CRIM1: variants seen among roughly 807,000 people sequenced by gnomAD.
CRIM1 encodes cysteine-rich motor neuron 1 protein.
Under a neutral mutation model 116.4 loss-of-function variants are expected in CRIM1, and 32 were observed. That is an observed-to-expected ratio of 0.27 (90% CI 0.21 to 0.37). The LOEUF is 0.37. CRIM1 is among the 10% of genes least tolerant of loss of function. The probability of loss-of-function intolerance (pLI) is 1.00; values close to 1 mark genes in which losing one functional copy is unlikely to be tolerated. For synonymous variants in CRIM1, 590 were observed against 509.2 expected (o/e 1.16, Z -2.13); for missense variants, 1,331 against 1,354.8 (o/e 0.98, Z 0.28).
intron 5 of CRIM1, among the ~76,000 whole-genome samples, chr2:36,471,810 C>A (rs927611280): frequency 6.6e-6 from 1 of 152,012 alleles, no homozygotes. Flanking sequence ...TCCTAGGCCT[C>A]ATGTGGCCCG....
intron 7 of CRIM1, among the ~76,000 whole-genome samples, chr2:36,485,847 G>A (rs1258807003): frequency 2.6e-5 from 4 of 152,160 alleles, no homozygotes; most frequent in Non-Finnish European, 5.9e-5. Context: ...ATTCGTAATA[G>A]CCTAAAGACT....
rs1209333328 is a variant in CRIM1 at position 36,550,965 on chromosome 2, T to C, written c.*2264T>C. The C allele has an allele frequency of 6.6e-6, 1 of 152,662 alleles. No individual in the cohort carries two copies. Among genetic ancestry groups the C allele is most frequent in the Non-Finnish European group, 1.5e-5 (1 of 68,036 alleles). 9.5% of individuals were successfully genotyped at this position (152,662 alleles called of 1,614,324 possible). A position where few individuals can be genotyped will look rare whatever the true frequency, so the allele number is the denominator to read the frequency against. ...TCTATTACTCTTTTACTTTGGTTCC[T>C]GTTGTGCTCTTGTAAAAGAAAAATA... On this transcript the variant is annotated 3_prime_UTR_variant, in exon 17 of 17. Transcript: ENST00000280527.
chr2:36,482,254 G>A (rs939030243), intron 7 of CRIM1, among the ~76,000 whole-genome samples: 3 of 152,080 alleles, frequency 2.0e-5, no homozygotes, highest in Admixed American at 1.3e-4. Context: ...TTTTAACTTA[G>A]TTGAGTAGTG....
At chr2:36,481,625 C>G (rs905068532) in intron 7 of CRIM1, among the ~76,000 whole-genome samples, 1 of 152,196 alleles carries the variant, frequency 6.6e-6, no homozygotes, top group Non-Finnish European at 1.5e-5. Context: ...CATTTGTACC[C>G]AATTTCATTT....
At chr2:36,476,380 GCCAAACA>G (rs1156553057) in intron 5 of CRIM1, among the ~76,000 whole-genome samples, 1 of 152,052 alleles carries the variant, frequency 6.6e-6, no homozygotes, top group Admixed American at 6.5e-5. Context: ...TTTGTTAAAG[GCCAAACA>G]CTATTAAAAT....
intron 13 of CRIM1, among the ~76,000 whole-genome samples, chr2:36,533,853 T>C (rs1022417926): frequency 2.0e-5 from 3 of 151,974 alleles, no homozygotes; most frequent in Non-Finnish European, 4.4e-5. Flanking sequence ...CATAGCCAGG[T>C]GCTTTAGGTC....
chr2:36,482,149 C>A (rs964067609), intron 7 of CRIM1, among the ~76,000 whole-genome samples: 2 of 152,132 alleles, frequency 1.3e-5, no homozygotes, highest in Non-Finnish European at 2.9e-5. Flanking sequence ...CTCTCTGTCT[C>A]TTTCATGCTC....
intron 8 of CRIM1, among the ~76,000 whole-genome samples, chr2:36,508,899 C>G (rs933117533): frequency 1.1e-4 from 16 of 151,328 alleles, no homozygotes; most frequent in African/African-American, 3.7e-4. Flanking sequence ...AAACATCACT[C>G]CAGATTCTGC....
chr2:36,509,859 C>A, intron 8 of CRIM1, 124 bp from the exon 9 acceptor site: 1 of 784,850 alleles, frequency 1.3e-6, no homozygotes, highest in East Asian at 2.5e-5. Flanking sequence ...ATAACCAGTG[C>A]CATGGTAGAG....
chr2:36,442,257 T>C (rs181220326), intron 3 of CRIM1, among the ~76,000 whole-genome samples: 1 of 152,122 alleles, frequency 6.6e-6, no homozygotes, highest in African/African-American at 2.4e-5. Context: ...CTTTTTTTTT[T>C]TTAACTGCTA....
intron 8 of CRIM1, among the ~76,000 whole-genome samples, chr2:36,507,485 C>T (rs1040147619): frequency 2.0e-5 from 3 of 151,878 alleles, no homozygotes; most frequent in Admixed American, 2.0e-4. Flanking sequence ...CATGGTTGTC[C>T]CTATACAGTG....
chr2:36,356,638 T>G lies in CRIM1; in HGVS notation c.331+15T>G. On this transcript the variant is annotated intron_variant, in intron 1 of 16. Transcript: ENST00000280527. The surrounding 1 kb of genome is among the most constrained non-coding windows in gnomAD (Gnocchi z 4.3). Reference sequence around the variant, plus strand: ...CGTTTGCGAAGGTACGGCCGCCCGCTGCGGGCCCCCTCCCACCTGGCCTGC... The same window carrying G: ...CGTTTGCGAAGGTACGGCCGCCCGCGGCGGGCCCCCTCCCACCTGGCCTGC... 1 of 1,598,224 alleles carries G rather than the reference T, an allele frequency of 6.3e-7. No homozygotes were observed. Among genetic ancestry groups the G allele is most frequent in the South Asian group, 1.1e-5 (1 of 89,520 alleles).
chr2:36,420,654 G>A (rs949611925), intron 2 of CRIM1, among the ~76,000 whole-genome samples: 1 of 152,198 alleles, frequency 6.6e-6, no homozygotes, highest in Admixed American at 6.5e-5. Flanking sequence ...CTTCATCCCT[G>A]TGGAGCTGAG....
At chr2:36,546,915 A>G in intron 15 of CRIM1, 69 bp from the exon 16 acceptor site, 2 of 894,310 alleles carry the variant, frequency 2.2e-6, no homozygotes, top group Non-Finnish European at 3.5e-6. Context: ...CTCTATTTGC[A>G]ATGTCATTAA....
At chr2:36,534,210 G>C (rs1476786731) in intron 13 of CRIM1, among the ~76,000 whole-genome samples, 1 of 131,712 alleles carries the variant, frequency 7.6e-6, no homozygotes, top group African/African-American at 2.9e-5. Context: ...GAAAAGGATG[G>C]GAAAGATAAG....
intron 2 of CRIM1, among the ~76,000 whole-genome samples, chr2:36,438,011 A>G (rs1461400892): frequency 6.6e-6 from 1 of 152,072 alleles, no homozygotes; most frequent in East Asian, 1.9e-4. Context: ...ACGCACCCGT[A>G]GTCCCAGCTA....
intron 1 of CRIM1, among the ~76,000 whole-genome samples, chr2:36,377,626 G>C (rs1214765041): frequency 6.6e-6 from 1 of 152,142 alleles, no homozygotes; most frequent in East Asian, 1.9e-4. Flanking sequence ...TAAAGCACTT[G>C]AATAGTGGCT....
intron 4 of CRIM1, among the ~76,000 whole-genome samples, chr2:36,458,692 G>A (rs548340669): frequency 5.1e-4 from 78 of 152,320 alleles, no homozygotes; most frequent in African/African-American, 1.8e-3. Flanking sequence ...GGGACACAAG[G>A]TGACTGATGT....
chr2:36,373,474 C>G (rs1300990447), intron 1 of CRIM1, among the ~76,000 whole-genome samples: 1 of 152,200 alleles, frequency 6.6e-6, no homozygotes, highest in African/African-American at 2.4e-5. Flanking sequence ...TTGGGGAAAT[C>G]AGTTGCTTGA....
Sources: gnomAD v4.1 joint callset for allele counts (sites outside exome capture counted in the v4.1 genomes callset) on GRCh38, gnomAD v4.1.1 for gene constraint, Gnocchi (gnomAD v3.1) non-coding constraint, MANE v1.5 for transcripts, NCBI Gene and HGNC (gene_info 2026-07-23, HGNC 2026-07-21) for gene names.